The following TMEM11 variants were observed in gnomAD, a reference collection of about 807,000 sequenced individuals.
TMEM11 encodes the protein transmembrane protein 11.
A neutral mutation model predicts 17.0 loss-of-function variants in TMEM11; 1 was observed. The ratio of observed to expected loss-of-function variants is 0.06; its 90% confidence interval spans 0.02 to 0.28. TMEM11 has a LOEUF of 0.28. Ranked by LOEUF, TMEM11 falls within the 10% of genes least tolerant of loss-of-function variation. TMEM11 has a pLI of 1.00. For missense variants in TMEM11, 172 were observed against 252.9 expected, an observed-to-expected ratio of 0.68 and a Z score of 2.17; for synonymous variants, 122 against 118.1, an observed-to-expected ratio of 1.03 and a Z score of -0.21.
chr17:21,203,684 A>C (rs1474066082), intron 1 of TMEM11, among the ~76,000 whole-genome samples: 2 of 112,488 alleles, frequency 1.8e-5, no homozygotes, highest in Non-Finnish European at 4.2e-5. Context: ...TCCAGCCTGA[A>C]TGACAGAAAG....
At chr17:21,203,227 C>T (rs1031695445) in intron 1 of TMEM11, among the ~76,000 whole-genome samples, 7 of 152,212 alleles carry the variant, frequency 4.6e-5, no homozygotes, top group African/African-American at 1.4e-4. Flanking sequence ...CACACACAGA[C>T]GCACCCAAAG....
intron 1 of TMEM11, among the ~76,000 whole-genome samples, chr17:21,212,859 A>G (rs1313952392): frequency 1.4e-5 from 2 of 143,114 alleles, no homozygotes; most frequent in Non-Finnish European, 3.1e-5. Flanking sequence ...TAACTTATTT[A>G]AATGGTCCAA....
intron 1 of TMEM11, among the ~76,000 whole-genome samples, chr17:21,209,701 G>A (rs137898745): frequency 3.3e-5 from 5 of 152,238 alleles, no homozygotes; most frequent in East Asian, 1.9e-4. Context: ...CCAGGGAGAC[G>A]GAGGTTGCAG....
In TMEM11 at chr17:21,204,684, G is replaced by C. The variant is rs556286363; in HGVS notation, c.63-5844C>G. 2.2e-3 allele frequency among the ~76,000 whole-genome samples: 336 copies of C among 152,172 alleles called. 4 individuals are homozygous for C. The highest frequency in any genetic ancestry group is 3.4e-3 in the Middle Eastern group (1 of 290). On this transcript the variant is annotated intron_variant, in intron 1 of 1. Coordinates refer to ENST00000317635, the MANE Select transcript of TMEM11 (RefSeq NM_003876.3). ...TGAGGGGCTCAGGAAAGAAAAGGAAGGGAGGCTCTTTCTAGTAAATGACTT... is the reference window on the plus strand; with the variant it reads ...TGAGGGGCTCAGGAAAGAAAAGGAACGGAGGCTCTTTCTAGTAAATGACTT...
At chr17:21,211,325 T>A in intron 1 of TMEM11, 1 of 893,588 alleles carries the variant, frequency 1.1e-6, no homozygotes, top group Non-Finnish European at 1.6e-6. Context: ...ACTGTCCATA[T>A]CATAACTTTC....
intron 1 of TMEM11, among the ~76,000 whole-genome samples, chr17:21,210,317 C>T (rs1704513050): frequency 6.6e-6 from 1 of 152,208 alleles, no homozygotes; most frequent in Non-Finnish European, 1.5e-5. Flanking sequence ...AATCCAACTT[C>T]TGCGGCCAGA....
intron 1 of TMEM11, among the ~76,000 whole-genome samples, chr17:21,212,527 G>C (rs1212745432): frequency 1.3e-5 from 2 of 152,332 alleles, no homozygotes; most frequent in East Asian, 3.9e-4. Flanking sequence ...AAACTGTTGA[G>C]GTTCAACAGT....
chr17:21,199,834 G>C (rs11654092), intron 1 of TMEM11, among the ~76,000 whole-genome samples: 5 of 152,020 alleles, frequency 3.3e-5, no homozygotes, highest in Admixed American at 3.3e-4. Context: ...TAGGAAAAGC[G>C]ACCCTTTCCT....
chr17:21,199,328 GAAAAAAA>G (rs58031189), intron 1 of TMEM11, among the ~76,000 whole-genome samples: 6 of 78,312 alleles, frequency 7.7e-5, no homozygotes, highest in Non-Finnish European at 1.2e-4. Flanking sequence ...CTCAGTCTCA[GAAAAAAA>G]AAAAAAAAAA....
intron 1 of TMEM11, among the ~76,000 whole-genome samples, chr17:21,204,073 T>C (rs1341575448): frequency 5.5e-5 from 8 of 146,202 alleles, no homozygotes; most frequent in Non-Finnish European, 1.0e-4. Flanking sequence ...TTGCTTTTCA[T>C]TGCAGGTGTG....
Position 21,198,645 on chromosome 17 carries a change from C to G in TMEM11, c.258G>C (p.Val86=). 6.2e-7 allele frequency: 1 copy of G among 1,614,060 alleles called. No homozygotes were observed. The highest frequency in any genetic ancestry group is 8.5e-7 in the Non-Finnish European group (1 of 1,180,036). The part of the protein sequence containing the change: ...TVGNCLHKTA[V]LAGTACLFTP... The stretch of plus-strand genomic sequence containing the variant: ...TGAAGAGGCAGGCGGTGCCCGCCAG[C>G]ACGGCCGTCTTGTGCAGGCAGTTGC... Residue 86 remains valine (V), a synonymous_variant, in exon 2 of 2, where the codon GTG becomes GTC. Transcript: ENST00000317635. This position sits in a 1 kb window ranked among gnomAD's most constrained non-coding sequence, Gnocchi z 6.5.
chr17:21,201,714 C>T (rs1178052852), intron 1 of TMEM11, among the ~76,000 whole-genome samples: 6 of 151,964 alleles, frequency 3.9e-5, no homozygotes, highest in East Asian at 1.9e-4. Flanking sequence ...CTCGACCTCC[C>T]GGGTTCAAGA....
intron 1 of TMEM11, among the ~76,000 whole-genome samples, chr17:21,212,284 T>C (rs1260127327): frequency 6.6e-6 from 1 of 151,962 alleles, no homozygotes; most frequent in Non-Finnish European, 1.5e-5. Flanking sequence ...AGCCTTCAGT[T>C]CCAGGCCAAA....
At chr17:21,202,059 C>T (rs1185322936) in intron 1 of TMEM11, among the ~76,000 whole-genome samples, 2 of 152,156 alleles carry the variant, frequency 1.3e-5, no homozygotes, top group African/African-American at 4.8e-5. Flanking sequence ...GTGGCGGTGG[C>T]GCAATGGGCT....
chr17:21,213,650 G>C (rs977258513), intron 1 of TMEM11: 2 of 174,536 alleles, frequency 1.1e-5, no homozygotes, highest in African/African-American at 4.8e-5. Flanking sequence ...CTCTGTGAAG[G>C]CTTCCCCTTC....
chr17:21,198,754 T>C lies in TMEM11; in HGVS notation c.149A>G (p.Glu50Gly). The C allele has an allele frequency of 6.2e-7, 1 of 1,614,040 alleles. No individual in the cohort carries two copies. Among genetic ancestry groups the C allele is most frequent in the South Asian group, 1.1e-5 (1 of 91,086 alleles). Residue 50 changes from glutamate (E) to glycine (G), a missense_variant, in exon 2 of 2, where the codon GAG becomes GGG. Physicochemically the swap from Glu to Gly is moderately conservative, Grantham distance 98. Around this residue, in one of 2 missense-constraint regions of TMEM11, gnomAD observed 123 missense variants for 213.6 expected, o/e 0.58. Transcript: ENST00000317635. This position sits in a 1 kb window ranked among gnomAD's most constrained non-coding sequence, Gnocchi z 6.5. ...CTTGTACTGGGCTTCCAGGGCCTGC[T>C]CCAGCTCGTACTCAAACTGGTCTTG... ...NAQDQFEYEL[E>G]QALEAQYKYI...
chr17:21,211,145 G>T, intron 1 of TMEM11: 1 of 1,289,846 alleles, frequency 7.8e-7, no homozygotes, highest in Non-Finnish European at 1.0e-6. Context: ...TGATGTGCTC[G>T]TTGCCAGTGT....
intron 1 of TMEM11, among the ~76,000 whole-genome samples, chr17:21,203,025 TCAAA>T (rs1974899493): frequency 6.6e-6 from 1 of 152,188 alleles, no homozygotes; most frequent in African/African-American, 2.4e-5. Context: ...CACACTGCCT[TCAAA>T]CAAAGGCAGG....
At chr17:21,205,917 C>T (rs527349257) in intron 1 of TMEM11, among the ~76,000 whole-genome samples, 5 of 152,184 alleles carry the variant, frequency 3.3e-5, no homozygotes, top group South Asian at 2.1e-4. Context: ...AATGTTCCAC[C>T]GTATGCATAA....
Sources: gnomAD v4.1 joint callset for allele counts (sites outside exome capture counted in the v4.1 genomes callset) on GRCh38, gnomAD v4.1.1 for gene constraint, gnomAD v4.1.1 regional missense constraint, Gnocchi (gnomAD v3.1) non-coding constraint, MANE v1.5 for transcripts, NCBI Gene and HGNC (gene_info 2026-07-23, HGNC 2026-07-21) for gene names.